The following CFAP54 variants were observed in gnomAD, a reference collection of about 807,000 sequenced individuals.
CFAP54 encodes the protein cilia- and flagella-associated protein 54.
In CFAP54, 290 loss-of-function variants were observed where a neutral mutation model predicts 370.4. That is an observed-to-expected ratio of 0.78 (90% CI 0.71 to 0.86). CFAP54 has a LOEUF of 0.86. CFAP54 is among the 40% of genes least tolerant of loss of function. The probability of loss-of-function intolerance (pLI) is 0.00; values close to 1 mark genes in which losing one functional copy is unlikely to be tolerated. For synonymous variants in CFAP54, 1,206 were observed against 1,236.5 expected (o/e 0.98, Z 0.52); for missense variants, 3,399 against 3,528.7 (o/e 0.96, Z 0.93).
intron 35 of CFAP54, among the ~76,000 whole-genome samples, chr12:96,651,330 C>G (rs138857687): frequency 6.6e-6 from 1 of 152,182 alleles, no homozygotes; most frequent in East Asian, 1.9e-4. Context: ...GGGTTAGCCA[C>G]GCTGAACCCA....
chr12:96,674,336 C>CTTTTTTTTTTT (rs5800259), intron 39 of CFAP54, among the ~76,000 whole-genome samples: 2 of 125,016 alleles, frequency 1.6e-5, no homozygotes, highest in Non-Finnish European at 1.6e-5. Flanking sequence ...CAATGTTTTT[C>CTTTTTTTTTTT]TTTTTTTTTT....
intron 23 of CFAP54, among the ~76,000 whole-genome samples, 174 bp downstream of exon 23, chr12:96,589,737 ACTTT>A (rs541182706): frequency 1.1e-3 from 173 of 151,856 alleles, no homozygotes; most frequent in African/African-American, 3.3e-3. Context: ...CTTGTTAGAA[ACTTT>A]CTTTCTTTCT....
chr12:96,504,007 A>G lies in CFAP54; in HGVS notation c.545A>G (p.Lys182Arg). 6.6e-7 allele frequency: 1 copy of G among 1,521,104 alleles called. No homozygotes were observed. Among genetic ancestry groups the G allele is most frequent in the South Asian group, 1.2e-5 (1 of 80,174 alleles). 94.2% of individuals were successfully genotyped at this position (1,521,104 alleles called of 1,614,324 possible). Residue 182 changes from lysine to arginine, a missense_variant, in exon 3 of 68, where the codon AAA becomes AGA. Lys to Arg is a conservative substitution (Grantham distance 26). Around this residue, in one of 3 missense-constraint regions of CFAP54, gnomAD observed 559 missense variants for 576.7 expected, o/e 0.97. Transcript: ENST00000524981. ...GCTACCTTTTTCCCAAAAGGCTTTA[A>G]AGATAAAACTGCTGGACTTACAGTA... Reference protein sequence around the residue: ...FKATFFPKGFKDKTAGLTFHA... With the variant: ...FKATFFPKGFRDKTAGLTFHA...
intron 22 of CFAP54, among the ~76,000 whole-genome samples, chr12:96,582,955 A>T (rs759376384): frequency 6.6e-6 from 1 of 152,140 alleles, no homozygotes; most frequent in Non-Finnish European, 1.5e-5. Flanking sequence ...TGTAAGTGCA[A>T]TCTAATTTTC....
At chr12:96,841,283 C>T (rs1353898615) in intron 66 of CFAP54, among the ~76,000 whole-genome samples, 1 of 152,224 alleles carries the variant, frequency 6.6e-6, no homozygotes, top group Non-Finnish European at 1.5e-5. Flanking sequence ...TGTATGTTCA[C>T]AGCAGGTGAG....
intron 4 of CFAP54, among the ~76,000 whole-genome samples, chr12:96,512,765 C>T (rs751285370): frequency 9.5e-4 from 145 of 152,220 alleles, no homozygotes; most frequent in Non-Finnish European, 1.7e-3. Context: ...CTAGAAGATT[C>T]CTGTGTCAAC....
chr12:96,844,304 A>G, intron 66 of CFAP54, among the ~76,000 whole-genome samples: 1 of 152,162 alleles, frequency 6.6e-6, no homozygotes, highest in Non-Finnish European at 1.5e-5. Context: ...ATTTGACACC[A>G]GAAGAGGAGA....
chr12:96,621,880 T>G (rs1163506978), intron 27 of CFAP54, among the ~76,000 whole-genome samples, 159 bp downstream of exon 27: 19 of 49,814 alleles, frequency 3.8e-4, no homozygotes, highest in South Asian at 1.1e-3. Context: ...GGTTTGTTTT[T>G]TTTTTTTTTT....
At chr12:96,518,524 T>TA (rs1367827532) in intron 5 of CFAP54, among the ~76,000 whole-genome samples, 1 of 152,068 alleles carries the variant, frequency 6.6e-6, no homozygotes, top group Admixed American at 6.6e-5. Flanking sequence ...CCCTCTCTAC[T>TA]AAAATAGAAA....
chr12:96,651,654 A>G lies in CFAP54; in HGVS notation c.4939A>G (p.Thr1647Ala). 2 of 1,614,096 alleles carry G rather than the reference A, an allele frequency of 1.2e-6. No individual in the cohort carries two copies. Among genetic ancestry groups the G allele is most frequent in the Non-Finnish European group, 8.5e-7 (1 of 1,180,008 alleles). ...CTGCTGTCGGGCCTTATGGAACTTT[A>G]CTCAGGAACTACAAATACTTCTTAA... ...QNCCRALWNF[T>A]QELQILLKQA... The change falls in exon 36 of 68, where the codon ACT becomes GCT. Residue 1647 changes from threonine to alanine, a missense_variant. Around this residue, in one of 3 missense-constraint regions of CFAP54, gnomAD observed 2,796 missense variants for 2,869.7 expected, o/e 0.97. Coordinates refer to ENST00000524981, the MANE Select transcript of CFAP54 (RefSeq NM_001306084.2).
At chr12:96,593,263 A>AT (rs1055042796) in intron 24 of CFAP54, among the ~76,000 whole-genome samples, 28 of 150,420 alleles carry the variant, frequency 1.9e-4, no homozygotes, top group Admixed American at 3.3e-4. Context: ...ATCCTACATT[A>AT]TTTTTTTTTC....
intron 58 of CFAP54, among the ~76,000 whole-genome samples, chr12:96,761,514 A>T (rs1030861556): frequency 4.5e-5 from 6 of 133,490 alleles, no homozygotes; most frequent in Non-Finnish European, 8.2e-5. Context: ...TTTCTTTTAT[A>T]GATTGTGGGG....
intron 62 of CFAP54, among the ~76,000 whole-genome samples, chr12:96,789,608 G>T (rs542751791): frequency 2.6e-5 from 4 of 152,282 alleles, no homozygotes; most frequent in South Asian, 4.1e-4. Context: ...AGCTCTGCTT[G>T]AGTATTTTAG....
chr12:96,637,025 G>A (rs1215234276), intron 32 of CFAP54, among the ~76,000 whole-genome samples: 1 of 152,082 alleles, frequency 6.6e-6, no homozygotes, highest in Non-Finnish European at 1.5e-5. Context: ...AAGAAACCCG[G>A]CACCCCTTAA....
At chr12:96,552,454 A>C (rs1246796030) in intron 15 of CFAP54, among the ~76,000 whole-genome samples, 16 of 151,762 alleles carry the variant, frequency 1.1e-4, no homozygotes, top group Admixed American at 1.0e-3. Flanking sequence ...AGTGATTCTC[A>C]TGCCTCAGTC....
intron 63 of CFAP54, among the ~76,000 whole-genome samples, chr12:96,809,895 G>A (rs1958914471): frequency 6.6e-6 from 1 of 152,124 alleles, no homozygotes; most frequent in Non-Finnish European, 1.5e-5. Context: ...CTGTTGTGGG[G>A]TAGCAGGATG....
chr12:96,714,395 G>T (rs73379266), intron 48 of CFAP54, among the ~76,000 whole-genome samples: 4 of 152,132 alleles, frequency 2.6e-5, no homozygotes, highest in Non-Finnish European at 5.9e-5. Context: ...GAAATGTTTC[G>T]CAATCATTAG....
chr12:96,622,937 T>C (rs972997015), intron 27 of CFAP54, among the ~76,000 whole-genome samples: 1 of 151,900 alleles, frequency 6.6e-6, no homozygotes, highest in Non-Finnish European at 1.5e-5. Context: ...ATGAGGGTTT[T>C]GTTTGTTTGT....
chr12:96,668,461 G>C (rs1244043387), intron 39 of CFAP54, among the ~76,000 whole-genome samples: 1 of 152,180 alleles, frequency 6.6e-6, no homozygotes, highest in Admixed American at 6.5e-5. Flanking sequence ...ATGGTGGCAG[G>C]CAAGAGAGTG....
Sources: allele counts gnomAD v4.1 joint callset (sites outside exome capture counted in the v4.1 genomes callset), GRCh38; gene constraint gnomAD v4.1.1; regional missense constraint gnomAD v4.1.1; transcripts MANE v1.5; gene names NCBI Gene and HGNC (gene_info 2026-07-23, HGNC 2026-07-21).